Variants in FSTL5 observed in about 807,000 individuals in gnomAD.
FSTL5 encodes the protein follistatin-related protein 5.
A neutral mutation model predicts 89.1 loss-of-function variants in FSTL5; 62 were observed. The observed-to-expected ratio is 0.70, with a 90% CI of 0.57 to 0.86. The LOEUF is 0.86. FSTL5 is among the 40% of genes least tolerant of loss of function. The pLI is 0.00. For synonymous variants in FSTL5, 383 were observed against 346.2 expected, an observed-to-expected ratio of 1.11 and a Z score of -1.18; for missense variants, 1,057 against 1,001.6, an observed-to-expected ratio of 1.06 and a Z score of -0.75.
At position 161,719,055 on chromosome 4, in the gene FSTL5, CTTTCATCTGTAG is replaced by C. The variant is rs772172375; in HGVS notation, c.727+40344_727+40355del. On this transcript the variant is annotated intron_variant, in intron 6 of 15. Transcript: ENST00000306100. ...TTGATCGAAATAATTAATATACAAA[CTTTCATCTGTAG>C]TTTCATCTAACAAAATTCTGAAATT... 7.8e-4 allele frequency among the ~76,000 whole-genome samples: 118 copies of C among 152,230 alleles called. 1 individual carries two copies. Among genetic ancestry groups the C allele is most frequent in the Non-Finnish European group, 1.4e-3 (95 of 67,986 alleles).
In FSTL5 at chr4:162,055,705, G is replaced by A. The variant is rs1377340933; in HGVS notation, c.127-22047C>T. 3.3e-5 allele frequency among the ~76,000 whole-genome samples: 5 copies of A among 151,996 alleles called. No individual in the cohort carries two copies. The East Asian group carries it at 7.7e-4, about 23-fold the overall frequency. ...GATAAAACAATTTTGGAGAAAAAAA[G>A]GTGGAGAGATTTACTATGTATCAAA... On this transcript the variant is annotated intron_variant, in intron 2 of 15. Transcript: ENST00000306100.
At chr4:161,791,002 G>C (rs1262640499) in intron 4 of FSTL5, among the ~76,000 whole-genome samples, 1 of 87,832 alleles carries the variant, frequency 1.1e-5, no homozygotes, top group African/African-American at 4.1e-5. Flanking sequence ...GAAAGATCTA[G>C]ATCTAGAGAC....
chr4:161,735,936 A>AAG (rs1739795270), intron 6 of FSTL5, among the ~76,000 whole-genome samples: 1 of 152,132 alleles, frequency 6.6e-6, no homozygotes, highest in Non-Finnish European at 1.5e-5. Flanking sequence ...TTATAAAAAA[A>AAG]AGAGAGAAAG....
At position 161,740,046 on chromosome 4, in the gene FSTL5, T is replaced by C. The variant is rs989281345; in HGVS notation, c.727+19365A>G. Among the ~76,000 whole-genome samples, 3 of 150,906 alleles carry C rather than the reference T, an allele frequency of 2.0e-5. No homozygotes were observed. The East Asian group carries it at 5.8e-4, about 29-fold the overall frequency. On this transcript the variant is annotated intron_variant, in intron 6 of 15. Transcript: ENST00000306100. ...TATTTATTTATTTATTGAGACAGAG[T>C]TTTGCTCTTGTCGCCCAGGCTGCAG...
At chr4:161,822,652 A>T (rs1297040485) in intron 4 of FSTL5, among the ~76,000 whole-genome samples, 1 of 152,192 alleles carries the variant, frequency 6.6e-6, no homozygotes. Context: ...CCAAAGGGCC[A>T]TGGCTCTTCT....
intron 4 of FSTL5, among the ~76,000 whole-genome samples, chr4:161,806,096 C>T (rs529189144): frequency 1.3e-5 from 2 of 151,976 alleles, no homozygotes; most frequent in African/African-American, 2.4e-5. Flanking sequence ...GAACATATGC[C>T]CCATAGGTAA....
intron 3 of FSTL5, among the ~76,000 whole-genome samples, chr4:161,971,393 C>A (rs1735479116): frequency 6.6e-6 from 1 of 152,076 alleles, no homozygotes; most frequent in African/African-American, 2.4e-5. Flanking sequence ...AAAATTCAAA[C>A]ACATTTCATT....
At chr4:161,844,903 C>T (rs902771177) in intron 4 of FSTL5, among the ~76,000 whole-genome samples, 1 of 151,842 alleles carries the variant, frequency 6.6e-6, no homozygotes, top group African/African-American at 2.4e-5. Flanking sequence ...GCAGGTTCTG[C>T]ACATGTATCC....
intron 3 of FSTL5, among the ~76,000 whole-genome samples, chr4:162,026,602 A>AT (rs931472660): frequency 2.0e-5 from 3 of 151,848 alleles, no homozygotes; most frequent in South Asian, 2.1e-4. Flanking sequence ...GCTTATATAT[A>AT]TTTTTTTACA....
At chr4:161,803,188 T>G (rs1182547796) in intron 4 of FSTL5, among the ~76,000 whole-genome samples, 4 of 151,916 alleles carry the variant, frequency 2.6e-5, no homozygotes, top group Admixed American at 6.6e-5. Context: ...ATTTATCAGT[T>G]GGGTAAAATT....
At chr4:161,850,525 G>C (rs756769028) in intron 4 of FSTL5, among the ~76,000 whole-genome samples, 17 of 152,060 alleles carry the variant, frequency 1.1e-4, no homozygotes, top group Non-Finnish European at 2.5e-4. Flanking sequence ...AAAGAGGGTG[G>C]GTTAGCAATA....
intron 15 of FSTL5, among the ~76,000 whole-genome samples, chr4:161,451,249 A>C (rs567739799): frequency 3.5e-4 from 54 of 152,234 alleles, no homozygotes; most frequent in African/African-American, 1.2e-3. Flanking sequence ...TTCTTGCTTA[A>C]GTTTAAATTT....
At position 161,386,175 on chromosome 4, in the gene FSTL5, G is replaced by A; in HGVS notation, c.2116C>T (p.Leu706Phe). 1 of 1,613,956 alleles carries A rather than the reference G, an allele frequency of 6.2e-7. No individual in the cohort carries two copies. Among genetic ancestry groups the A allele is most frequent in the Non-Finnish European group, 8.5e-7 (1 of 1,179,964 alleles). ...CCTTTCACATCATTAATGCTGACAA[G>A]GTAGTGGCCATCTGGAGAGACATAT... ...TPYVSPDGHY[L>F]VSINDVKGLV... The change falls in exon 16 of 16, where the codon CTT becomes TTT. Residue 706 changes from leucine to phenylalanine, a missense_variant. Around this residue, in one of 3 missense-constraint regions of FSTL5, gnomAD observed 980 missense variants for 903.2 expected, o/e 1.08. Coordinates refer to ENST00000306100, the MANE Select transcript of FSTL5 (RefSeq NM_020116.5).
intron 4 of FSTL5, among the ~76,000 whole-genome samples, chr4:161,809,188 C>A (rs1244745701): frequency 6.6e-6 from 1 of 152,186 alleles, no homozygotes; most frequent in African/African-American, 2.4e-5. Flanking sequence ...CACTTCACTC[C>A]AGCCTGGGCA....
At position 161,537,426 on chromosome 4, in the gene FSTL5, G is replaced by C. The variant is rs545814932; in HGVS notation, c.1312+740C>G. 7.2e-5 allele frequency among the ~76,000 whole-genome samples: 11 copies of C among 152,282 alleles called. No individual in the cohort carries two copies. In the South Asian group the frequency reaches 2.1e-3, roughly 29 times the overall value. ...TACCAAGGGAATAAAATGGCTGTTT[G>C]TTTGCTTGCAAAGAATGCACTTGAT... On this transcript the variant is annotated intron_variant, in intron 10 of 15. Coordinates refer to ENST00000306100, the MANE Select transcript of FSTL5 (RefSeq NM_020116.5).
intron 11 of FSTL5, among the ~76,000 whole-genome samples, chr4:161,507,678 A>G (rs1730526610): frequency 6.6e-6 from 1 of 151,932 alleles, no homozygotes; most frequent in Non-Finnish European, 1.5e-5. Context: ...CCAGAGAAGT[A>G]GAGGACATTG....
At chr4:161,926,357 C>T (rs1214060799) in intron 3 of FSTL5, among the ~76,000 whole-genome samples, 1 of 149,938 alleles carries the variant, frequency 6.7e-6, no homozygotes, top group Non-Finnish European at 1.5e-5. Flanking sequence ...TCCATTGGTT[C>T]TGCAAGCTTC....
chr4:162,024,571 T>C (rs1434968747), intron 3 of FSTL5, among the ~76,000 whole-genome samples: 1 of 152,190 alleles, frequency 6.6e-6, no homozygotes, highest in Admixed American at 6.5e-5. Context: ...AATGTAGCAG[T>C]AGTTAACTAC....
rs759493424 is a variant in FSTL5, at chr4:161,939,741, A to T, written c.161-19089T>A. On this transcript the variant is annotated intron_variant, in intron 3 of 15. Coordinates refer to ENST00000306100, the MANE Select transcript of FSTL5 (RefSeq NM_020116.5). ...GAATTACTGAACAAGCACTAACATG[A>T]GGATAACAGTGAATCAAAAATGTTT... is the stretch of plus-strand genomic sequence containing the variant. 6.6e-5 allele frequency among the ~76,000 whole-genome samples: 10 copies of T among 152,154 alleles called. No homozygotes were observed. In the South Asian group the frequency reaches 1.4e-3, roughly 22 times the overall value.
Sources: allele counts gnomAD v4.1 joint callset (sites outside exome capture counted in the v4.1 genomes callset), GRCh38; gene constraint gnomAD v4.1.1; regional missense constraint gnomAD v4.1.1; transcripts MANE v1.5; gene names NCBI Gene and HGNC (gene_info 2026-07-23, HGNC 2026-07-21).